C1orf87: variants seen among roughly 807,000 people sequenced by gnomAD.
The protein encoded by C1orf87 is uncharacterized protein C1orf87.
A neutral mutation model predicts 60.5 loss-of-function variants in C1orf87; 58 were observed. The observed-to-expected ratio is 0.96, with a 90% CI of 0.78 to 1.19. The LOEUF is 1.19. Ranked by LOEUF, C1orf87 falls within the 50% of genes most tolerant of loss-of-function variation. The pLI, the probability that C1orf87 is intolerant of heterozygous loss-of-function variation, is 0.00. For synonymous variants in C1orf87, 236 were observed against 227.4 expected, an observed-to-expected ratio of 1.04 and a Z score of -0.34; for missense variants, 673 against 638.6, an observed-to-expected ratio of 1.05 and a Z score of -0.58.
intron 8 of C1orf87, among the ~76,000 whole-genome samples, chr1:60,023,695 A>T (rs1430892168): frequency 6.6e-6 from 1 of 152,108 alleles, no homozygotes; most frequent in African/African-American, 2.4e-5. Context: ...CATAATTCCA[A>T]TATCCTTAAT....
intron 8 of C1orf87, among the ~76,000 whole-genome samples, chr1:60,023,439 A>C (rs966356158): frequency 1.3e-5 from 2 of 152,058 alleles, no homozygotes; most frequent in African/African-American, 4.8e-5. Context: ...CGTCAAGCTC[A>C]TTTATTTGTT....
At chr1:60,064,325 T>TGA (rs796229764) in intron 2 of C1orf87, among the ~76,000 whole-genome samples, 2,748 of 135,878 alleles carry the variant, frequency 0.02, 1 homozygote, top group South Asian at 0.038. Context: ...AAATTATATA[T>TGA]TATATATACT....
At chr1:60,069,038 T>C (rs1481647874) in intron 2 of C1orf87, among the ~76,000 whole-genome samples, 1 of 152,234 alleles carries the variant, frequency 6.6e-6, no homozygotes, top group Non-Finnish European at 1.5e-5. Context: ...TACAATATTT[T>C]ATCCTCTGTG....
intron 6 of C1orf87, among the ~76,000 whole-genome samples, chr1:60,037,497 A>G (rs575940303): frequency 6.6e-6 from 1 of 152,338 alleles, no homozygotes; most frequent in South Asian, 2.1e-4. Flanking sequence ...TGGAAGGCAG[A>G]AGGGCAAGAG....
intron 6 of C1orf87, among the ~76,000 whole-genome samples, chr1:60,035,305 C>T (rs1466585818): frequency 1.3e-5 from 2 of 152,158 alleles, no homozygotes; most frequent in Non-Finnish European, 2.9e-5. Context: ...AAGCTTTGGT[C>T]CCTGGCTCCG....
At chr1:60,021,360 A>T (rs1328799245) in intron 8 of C1orf87, among the ~76,000 whole-genome samples, 1 of 152,230 alleles carries the variant, frequency 6.6e-6, no homozygotes, top group Non-Finnish European at 1.5e-5. Flanking sequence ...CAAATCACAC[A>T]AATACACACA....
In C1orf87 at chr1:59,997,563, A is replaced by G. The variant is rs1463162530; in HGVS notation, c.1480+46T>C. 1.9e-6 allele frequency: 3 copies of G among 1,590,496 alleles called. No individual in the cohort carries two copies. The Admixed American group carries it at 5.1e-5, about 27-fold the overall frequency. On this transcript the variant is annotated intron_variant, in intron 11 of 11. Transcript: ENST00000371201. ...AAAATGAGGTGCCTACTTTTAGACT[A>G]GACCACAAATAGAAACCTATGCCAG...
At chr1:60,065,202 ACAGTAAATGAGAATGTCAGATGCC>A (rs1351562487) in intron 2 of C1orf87, among the ~76,000 whole-genome samples, 1 of 150,720 alleles carries the variant, frequency 6.6e-6, no homozygotes, top group Non-Finnish European at 1.5e-5. Flanking sequence ...TCGGTTTGTA[ACAGTAAATGAGAATGTCAGATGCC>A]CAATATTGGG....
intron 11 of C1orf87, among the ~76,000 whole-genome samples, chr1:59,994,347 G>A (rs1223844605): frequency 6.6e-6 from 1 of 151,784 alleles, no homozygotes; most frequent in Non-Finnish European, 1.5e-5. Flanking sequence ...TTCATGGAGA[G>A]CTGGGCTTGA....
Position 59,990,479 on chromosome 1 carries a change from C to T in C1orf87, c.*194G>A, listed in dbSNP as rs1272520500. 1 of 496,152 alleles carries T rather than the reference C, an allele frequency of 2.0e-6. No homozygotes were observed. Among genetic ancestry groups the T allele is most frequent in the Non-Finnish European group, 3.4e-6 (1 of 296,734 alleles). The allele number at this position is 496,152 out of a possible 1,614,324, so 30.7% of individuals were successfully genotyped here. The stretch of plus-strand genomic sequence containing the variant: ...ACATCAAAAGATAAAACTAGGTTTC[C>T]TCTGATCACTTTGAACTGCTTATGA... On this transcript the variant is annotated 3_prime_UTR_variant, in exon 12 of 12. Coordinates refer to ENST00000371201, the MANE Select transcript of C1orf87 (RefSeq NM_152377.3).
intron 9 of C1orf87, among the ~76,000 whole-genome samples, chr1:60,007,313 G>T (rs1181951767): frequency 1.3e-5 from 2 of 151,950 alleles, no homozygotes; most frequent in East Asian, 3.9e-4. Flanking sequence ...CCTCTCATCA[G>T]CAATGTCTAA....
chr1:60,005,837 T>C (rs1226899677), intron 9 of C1orf87, among the ~76,000 whole-genome samples: 4 of 149,408 alleles, frequency 2.7e-5, no homozygotes, highest in Non-Finnish European at 5.9e-5. Context: ...GGTGATTCTC[T>C]CCTTCATTAT....
intron 3 of C1orf87, among the ~76,000 whole-genome samples, chr1:60,050,427 T>C (rs1645406040): frequency 1.3e-5 from 2 of 151,680 alleles, no homozygotes; most frequent in Admixed American, 1.3e-4. Flanking sequence ...TGGTGCCTTT[T>C]CCTCCATTTT....
intron 8 of C1orf87, among the ~76,000 whole-genome samples, chr1:60,022,025 C>T (rs1645166940): frequency 6.6e-6 from 1 of 151,178 alleles, no homozygotes; most frequent in Non-Finnish European, 1.5e-5. Context: ...AGAAAAGAGG[C>T]ATGGTGTAAC....
chr1:60,001,820 A>C (rs1340225381), intron 9 of C1orf87, among the ~76,000 whole-genome samples: 1 of 152,082 alleles, frequency 6.6e-6, no homozygotes, highest in Non-Finnish European at 1.5e-5. Flanking sequence ...GGACGGGAAG[A>C]GGTTGAACAG....
At chr1:60,041,218 C>T (rs1645322711) in intron 3 of C1orf87, 87 bp from the exon 4 acceptor site, 1 of 1,199,808 alleles carries the variant, frequency 8.3e-7, no homozygotes, top group Non-Finnish European at 1.1e-6. Context: ...ATGAGTAAAC[C>T]AACCAATTTA....
intron 10 of C1orf87, 46 bp from the exon 11 acceptor site, chr1:59,997,862 C>T: frequency 6.4e-7 from 1 of 1,566,810 alleles, no homozygotes; most frequent in Non-Finnish European, 8.7e-7. Flanking sequence ...CCACCCAGAG[C>T]TTCTCCAATC....
rs749773634 is a variant in C1orf87, at chr1:60,040,078, CT to C, written c.585del (p.Glu196LysfsTer7). On this transcript the variant is annotated frameshift_variant, in exon 5 of 12. Transcript: ENST00000371201. LOFTEE classifies it high-confidence loss of function. ...LKSRPLSSNL[L>X]EKLQKELKIL... ...ATCTTCAGCTCTTTCTGAAGCTTTT[CT>C]AATAAGTTGGAACTCAAAGGACGTG... The C allele has an allele frequency of 2.2e-5, 36 of 1,614,084 alleles. No individual in the cohort carries two copies. The highest frequency in any genetic ancestry group is 2.9e-5 in the Non-Finnish European group (34 of 1,180,046).
chr1:60,033,632 A>C lies in C1orf87; in HGVS notation c.873T>G (p.Pro291=), dbSNP rs1357243434. 6.2e-7 allele frequency: 1 copy of C among 1,612,180 alleles called. No homozygotes were observed. The highest frequency in any genetic ancestry group is 1.7e-5 in the Admixed American group (1 of 59,826). ...SHGTHSQSTP[P]QHSSSQPEVN... ...CTTCTGGCTGTGAGCTGGAGTGCTG[A>C]GGTGGAGTGCTGATTGTAGGGGAAA... is the stretch of plus-strand genomic sequence containing the variant. The change falls in exon 7 of 12, where the codon CCT becomes CCG. Residue 291 remains proline, a synonymous_variant. Transcript: ENST00000371201.
Sources: gnomAD v4.1 joint callset for allele counts (sites outside exome capture counted in the v4.1 genomes callset) on GRCh38, gnomAD v4.1.1 for gene constraint, MANE v1.5 for transcripts, NCBI Gene and HGNC (gene_info 2026-07-23, HGNC 2026-07-21) for gene names.